The following TMTC3 variants were observed in gnomAD, a reference collection of about 807,000 sequenced individuals.
The protein encoded by TMTC3 is transmembrane O-mannosyltransferase targeting cadherins 3, also known as protein O-mannosyl-transferase TMTC3.
A neutral mutation model predicts 92.2 loss-of-function variants in TMTC3; 52 were observed. That is an observed-to-expected ratio of 0.56 (90% CI 0.45 to 0.71). The LOEUF is 0.71. Among genes scored for constraint, TMTC3 ranks in the 30% least tolerant of loss-of-function variants. The probability of loss-of-function intolerance (pLI) is 0.00; values close to 1 mark genes in which losing one functional copy is unlikely to be tolerated. For missense variants in TMTC3, 896 were observed against 1,057.1 expected (o/e 0.85, Z 2.11); for synonymous variants, 339 against 363.3 (o/e 0.93, Z 0.76).
intron 7 of TMTC3, among the ~76,000 whole-genome samples, chr12:88,169,091 T>C (rs7310949): frequency 0.069 from 10,558 of 152,218 alleles, 1,244 homozygotes; most frequent in African/African-American, 0.24. Flanking sequence ...AAAACTGACA[T>C]GGGTCAAAAA....
chr12:88,196,060 T>C lies in TMTC3; in HGVS notation c.*411T>C, dbSNP rs896871652. The stretch of plus-strand genomic sequence containing the variant: ...GCCTACTTCATTTTTCTTGCACCTC[T>C]TAGAATCTAACTATGAATTGAAAAC... On this transcript the variant is annotated 3_prime_UTR_variant, in exon 14 of 14. Coordinates refer to ENST00000266712, the MANE Select transcript of TMTC3 (RefSeq NM_181783.4). 3 of 154,134 alleles carry C rather than the reference T, an allele frequency of 1.9e-5. No homozygotes were observed. The highest frequency in any genetic ancestry group is 4.3e-5 in the Non-Finnish European group (3 of 69,430). 9.5% of individuals were successfully genotyped at this position (154,134 alleles called of 1,614,324 possible).
At chr12:88,163,533 T>C (rs1017149271) in intron 6 of TMTC3, among the ~76,000 whole-genome samples, 2 of 152,152 alleles carry the variant, frequency 1.3e-5, no homozygotes, top group African/African-American at 4.8e-5. Flanking sequence ...ACCAAATCAG[T>C]ATGTCAGCAC....
chr12:88,184,837 G>A (rs1423219378), intron 10 of TMTC3, among the ~76,000 whole-genome samples: 1 of 152,002 alleles, frequency 6.6e-6, no homozygotes, highest in African/African-American at 2.4e-5. Context: ...GCATGCACAT[G>A]TGTATTTATA....
At position 88,173,200 on chromosome 12, in the gene TMTC3, A is replaced by G; in HGVS notation, c.1199+455A>G. On this transcript the variant is annotated intron_variant, in intron 8 of 13. Transcript: ENST00000266712. ...CTTTGTATCCTAGTTGCCTCAAACT[A>G]ACAGTTAAGGAACAGCATAGTCACA... 5 of 768,722 alleles carry G rather than the reference A, an allele frequency of 6.5e-6. No individual in the cohort carries two copies. The South Asian group carries it at 9.7e-5, about 15-fold the overall frequency. 47.6% of individuals were successfully genotyped at this position (768,722 alleles called of 1,614,324 possible).
In TMTC3 at chr12:88,148,384, C is replaced by T; in HGVS notation, c.69C>T (p.Ser23=). ...VGVVTACYWN[S]LFCGFVFDDV... Reference sequence around the variant, plus strand: ...TGGTTACTGCCTGCTATTGGAACAGCCTCTTTTGTGGTTTTGTTTTTGATG... The same window carrying T: ...TGGTTACTGCCTGCTATTGGAACAGTCTCTTTTGTGGTTTTGTTTTTGATG... The change falls in exon 2 of 14, where the codon AGC becomes AGT. Residue 23 remains serine (S), a synonymous_variant. Transcript: ENST00000266712. 1 of 1,613,462 alleles carries T rather than the reference C, an allele frequency of 6.2e-7. No individual in the cohort carries two copies. The highest frequency in any genetic ancestry group is 8.5e-7 in the Non-Finnish European group (1 of 1,179,678).
intron 4 of TMTC3, among the ~76,000 whole-genome samples, chr12:88,158,491 T>C (rs1258652738): frequency 1.4e-5 from 2 of 147,658 alleles, no homozygotes; most frequent in East Asian, 3.9e-4. Flanking sequence ...GATTATAAGA[T>C]TTTTTTTTTT....
intron 10 of TMTC3, among the ~76,000 whole-genome samples, chr12:88,182,042 C>T (rs2041324064): frequency 6.6e-6 from 1 of 152,196 alleles, no homozygotes; most frequent in Non-Finnish European, 1.5e-5. Context: ...AATATTGCTT[C>T]GAGTTGCTTT....
At chr12:88,159,780 C>T (rs931294096) in intron 4 of TMTC3, among the ~76,000 whole-genome samples, 1 of 151,684 alleles carries the variant, frequency 6.6e-6, no homozygotes, top group Non-Finnish European at 1.5e-5. Flanking sequence ...AGGAATTTGT[C>T]TTCATTTCAG....
chr12:88,147,625 A>C (rs1029719771), intron 1 of TMTC3, among the ~76,000 whole-genome samples: 2 of 152,034 alleles, frequency 1.3e-5, no homozygotes, highest in Non-Finnish European at 2.9e-5. Flanking sequence ...TTTTTATTCT[A>C]CTTTCCCACC....
chr12:88,192,014 C>CT (rs375857927), intron 12 of TMTC3, among the ~76,000 whole-genome samples: 8,629 of 112,172 alleles, frequency 0.077, 317 homozygotes, highest in Non-Finnish European at 0.1. Context: ...CAGCATTTTT[C>CT]TTTTTTTTTT....
rs890510117 is a variant in TMTC3, at chr12:88,198,843, T to C, written c.*3194T>C. The C allele has an allele frequency of 6.5e-6, 1 of 153,640 alleles. No homozygotes were observed. The highest frequency in any genetic ancestry group is 1.9e-4 in the East Asian group (1 of 5,246). 9.5% of individuals were successfully genotyped at this position (153,640 alleles called of 1,614,324 possible). ...ACCTCCTAATTGGATAACTAGATGGTATTTAAAATGAATGCCCAAAAATAT... is the reference window on the plus strand; with the variant it reads ...ACCTCCTAATTGGATAACTAGATGGCATTTAAAATGAATGCCCAAAAATAT... On this transcript the variant is annotated 3_prime_UTR_variant, in exon 14 of 14. Transcript: ENST00000266712.
intron 1 of TMTC3, among the ~76,000 whole-genome samples, chr12:88,145,494 A>G (rs562485644): frequency 6.6e-6 from 1 of 152,316 alleles, no homozygotes; most frequent in African/African-American, 2.4e-5. Flanking sequence ...GTCTCAATCA[A>G]TTTAGAAGTT....
At chr12:88,148,734 CTT>C (rs879353745) in intron 2 of TMTC3, among the ~76,000 whole-genome samples, 2 of 142,212 alleles carry the variant, frequency 1.4e-5, no homozygotes. Flanking sequence ...TTGGCTGCTG[CTT>C]TTTTTTTTTT....
Position 88,196,757 on chromosome 12 carries a change from A to C in TMTC3, c.*1108A>C, listed in dbSNP as rs1387302443. 6.6e-6 allele frequency: 1 copy of C among 151,890 alleles called. No individual in the cohort carries two copies. Among genetic ancestry groups the C allele is most frequent in the African/African-American group, 2.4e-5 (1 of 41,430 alleles). 9.4% of individuals were successfully genotyped at this position (151,890 alleles called of 1,614,324 possible). A position where few individuals can be genotyped will look rare whatever the true frequency, so the allele number is the denominator to read the frequency against. ...TTTGAAGCTATTTTAATCATCAAGT[A>C]TGGAAAACAAATTACTATTGCATTT... On this transcript the variant is annotated 3_prime_UTR_variant, in exon 14 of 14. Coordinates refer to ENST00000266712, the MANE Select transcript of TMTC3 (RefSeq NM_181783.4).
At chr12:88,155,524 T>G (rs982381312) in intron 4 of TMTC3, among the ~76,000 whole-genome samples, 2 of 152,198 alleles carry the variant, frequency 1.3e-5, no homozygotes, top group African/African-American at 2.4e-5. Flanking sequence ...GTCTTCACTA[T>G]AGCTAGATAG....
intron 12 of TMTC3, among the ~76,000 whole-genome samples, chr12:88,191,350 C>G (rs2041440389): frequency 6.6e-6 from 1 of 152,016 alleles, no homozygotes; most frequent in African/African-American, 2.4e-5. Flanking sequence ...TCATAAAGAA[C>G]TATTCAACAA....
chr12:88,174,434 A>G (rs563676404), intron 8 of TMTC3, among the ~76,000 whole-genome samples, 173 bp from the exon 9 acceptor site: 1 of 152,144 alleles, frequency 6.6e-6, no homozygotes, highest in South Asian at 2.1e-4. Context: ...ACAGTATTTA[A>G]TTTTTTTGGT....
chr12:88,182,381 C>CATA (rs1050858419), intron 10 of TMTC3, among the ~76,000 whole-genome samples: 25 of 152,190 alleles, frequency 1.6e-4, no homozygotes, highest in African/African-American at 6.0e-4. Context: ...GAGTCTAAGG[C>CATA]TGTATTGCCC....
At chr12:88,156,780 C>T (rs2041015512) in intron 4 of TMTC3, among the ~76,000 whole-genome samples, 1 of 149,020 alleles carries the variant, frequency 6.7e-6, no homozygotes, top group African/African-American at 2.4e-5. Context: ...TTAAAATAAC[C>T]TCGAAATGCT....
Sources: allele counts gnomAD v4.1 joint callset (sites outside exome capture counted in the v4.1 genomes callset), GRCh38; gene constraint gnomAD v4.1.1; transcripts MANE v1.5; gene names NCBI Gene and HGNC (gene_info 2026-07-23, HGNC 2026-07-21).